The following CEP63 variants were observed in gnomAD, a reference collection of about 807,000 sequenced individuals.
CEP63 encodes the protein centrosomal protein 63.
In CEP63, 84 loss-of-function variants were observed where a neutral mutation model predicts 89.1. The ratio of observed to expected loss-of-function variants is 0.94; its 90% confidence interval spans 0.79 to 1.13. CEP63 has a LOEUF of 1.13. Among genes scored for constraint, CEP63 ranks in the 50% most tolerant of loss-of-function variants. The pLI, the probability that CEP63 is intolerant of heterozygous loss-of-function variation, is 0.00. For synonymous variants in CEP63, 267 were observed against 272.5 expected, an observed-to-expected ratio of 0.98 and a Z score of 0.20; for missense variants, 838 against 813.3, an observed-to-expected ratio of 1.03 and a Z score of -0.37.
chr3:134,767,928 G>A, the CEP63 span, among the ~76,000 whole-genome samples: 1 of 152,214 alleles, frequency 6.6e-6, no homozygotes, highest in Admixed American at 6.5e-5. Flanking sequence ...ACTGAGTTGA[G>A]TGATGGATGA....
chr3:134,649,628 T>G, the CEP63 span, among the ~76,000 whole-genome samples: 2 of 152,192 alleles, frequency 1.3e-5, no homozygotes, highest in African/African-American at 4.8e-5. Context: ...AACTCCTGCT[T>G]CAGTCAGGAA....
At chr3:134,594,338 G>T in the CEP63 span, among the ~76,000 whole-genome samples, 1 of 152,086 alleles carries the variant, frequency 6.6e-6, no homozygotes, top group Admixed American at 6.6e-5. Context: ...CTCCATAGCT[G>T]CCCCTGCCAC....
chr3:134,514,218 G>A (rs1220202167), intron 3 of CEP63, among the ~76,000 whole-genome samples: 1 of 152,088 alleles, frequency 6.6e-6, no homozygotes, highest in Non-Finnish European at 1.5e-5. Context: ...CTGAAATTAA[G>A]GTCTTAAAGA....
At chr3:134,629,589 C>A in the CEP63 span, 2 of 1,545,936 alleles carry the variant, frequency 1.3e-6, no homozygotes, top group Non-Finnish European at 1.8e-6. Context: ...TCTCTGCCAG[C>A]CCTCCACCAT....
chr3:134,550,437 C>T (rs895134093), intron 11 of CEP63, among the ~76,000 whole-genome samples, 177 bp downstream of exon 11: 1 of 152,054 alleles, frequency 6.6e-6, no homozygotes, highest in Non-Finnish European at 1.5e-5. Flanking sequence ...TGAGAGTAGA[C>T]ACAGACAAGT....
intron 2 of CEP63, among the ~76,000 whole-genome samples, 191 bp from the exon 3 acceptor site, chr3:134,506,918 C>CA (rs1229943667): frequency 0.061 from 1,426 of 23,456 alleles, 69 homozygotes; most frequent in Non-Finnish European, 0.075. Context: ...AACTCCATCT[C>CA]AAAAAAAAAA....
At chr3:134,587,120 C>T (rs1466350893) in intron 10 of CEP63, among the ~76,000 whole-genome samples, 1 of 152,068 alleles carries the variant, frequency 6.6e-6, no homozygotes, top group Non-Finnish European at 1.5e-5. Context: ...TTTTAGCTTC[C>T]TTGCGATGGG....
At chr3:134,685,530 G>A in the CEP63 span, among the ~76,000 whole-genome samples, 76 of 152,172 alleles carry the variant, frequency 5.0e-4, no homozygotes, top group Admixed American at 2.0e-3. Context: ...AACAACTTGC[G>A]GTTTCATCTC....
the CEP63 span, among the ~76,000 whole-genome samples, chr3:134,712,778 T>TA: frequency 6.6e-6 from 1 of 152,200 alleles, no homozygotes; most frequent in Non-Finnish European, 1.5e-5. Flanking sequence ...TGATGTTTTC[T>TA]GGGGGGAACT....
chr3:134,691,009 A>G, the CEP63 span, among the ~76,000 whole-genome samples: 3 of 152,166 alleles, frequency 2.0e-5, no homozygotes, highest in Admixed American at 6.5e-5. Context: ...TTGGCCTCCC[A>G]AAGTGCTGGA....
chr3:134,621,220 A>G, the CEP63 span, among the ~76,000 whole-genome samples: 11 of 152,366 alleles, frequency 7.2e-5, no homozygotes, highest in South Asian at 4.1e-4. Context: ...TGGAAAAGTC[A>G]GTTCTCAAAT....
At chr3:134,670,464 A>G in the CEP63 span, among the ~76,000 whole-genome samples, 1 of 152,214 alleles carries the variant, frequency 6.6e-6, no homozygotes, top group Admixed American at 6.5e-5. Flanking sequence ...TGGAGAAAAT[A>G]AGGCAGTGTC....
Position 134,558,158 on chromosome 3 carries a change from T to C in CEP63, c.1484T>C (p.Leu495Pro). 5.0e-6 allele frequency: 8 copies of C among 1,613,324 alleles called. No homozygotes were observed. The highest frequency in any genetic ancestry group is 6.8e-6 in the Non-Finnish European group (8 of 1,179,396). The part of the protein sequence containing the change: ...LGLHEAKEIS[L>P]ADLQENYIEA... ...TTTTATTAGGCAAAAGAGATTTCAC[T>C]AGCAGACCTCCAGGAGAATTATATT... Residue 495 changes from leucine (L) to proline (P), a missense_variant, in exon 13 of 15, where the codon CTA (leucine) becomes CCA (proline). Transcript: ENST00000675561.
chr3:134,696,338 G>A, the CEP63 span, among the ~76,000 whole-genome samples: 1 of 152,174 alleles, frequency 6.6e-6, no homozygotes, highest in Non-Finnish European at 1.5e-5. Flanking sequence ...CTCACATGGT[G>A]TCACCAGCAG....
the CEP63 span, among the ~76,000 whole-genome samples, chr3:134,764,417 A>T: frequency 0.26 from 39,268 of 151,820 alleles, 5,374 homozygotes; most frequent in South Asian, 0.34. Context: ...TAATTTTTTT[A>T]AAAATAATTC....
intron 11 of CEP63, among the ~76,000 whole-genome samples, chr3:134,571,361 C>A (rs1002729747): frequency 1.3e-5 from 2 of 152,150 alleles, no homozygotes; most frequent in Non-Finnish European, 2.9e-5. Context: ...CCTATGGACC[C>A]CTCAGAATAA....
At chr3:134,608,835 T>C in the CEP63 span, 3 of 1,608,046 alleles carry the variant, frequency 1.9e-6, no homozygotes, top group South Asian at 1.1e-5. Flanking sequence ...TAGAACTCAT[T>C]GTAGCTGGAG....
Position 134,563,954 on chromosome 3 carries a change from C to G in CEP63, c.*2419C>G, listed in dbSNP as rs9815894. ...CTCACCTTTGATTGGCGTTTTCCCC[C>G]TTGCAGACCTGCACTCTGGCATCCT... On this transcript the variant is annotated 3_prime_UTR_variant, in exon 15 of 15. Coordinates refer to ENST00000675561, the MANE Select transcript of CEP63 (RefSeq NM_001353108.3). 0.66 allele frequency: 100,115 copies of G among 152,050 alleles called. 33,374 individuals are homozygous for G. Among genetic ancestry groups the G allele is most frequent in the East Asian group, 0.81 (4,179 of 5,158 alleles). The allele number at this position is 152,050 out of a possible 1,614,324, so 9.4% of individuals were successfully genotyped here.
chr3:134,752,042 G>T, the CEP63 span, among the ~76,000 whole-genome samples: 2 of 152,130 alleles, frequency 1.3e-5, no homozygotes, highest in African/African-American at 4.8e-5. Flanking sequence ...CAGCAGGCTT[G>T]CCCAGCATGT....
Sources: allele counts gnomAD v4.1 joint callset (sites outside exome capture counted in the v4.1 genomes callset), GRCh38; gene constraint gnomAD v4.1.1; transcripts MANE v1.5; gene names NCBI Gene and HGNC (gene_info 2026-07-23, HGNC 2026-07-21).